The following DCDC2 variants were observed in gnomAD, a reference collection of about 807,000 sequenced individuals.
DCDC2 encodes the protein doublecortin domain-containing protein 2.
In DCDC2, 40 loss-of-function variants were observed where a neutral mutation model predicts 50.2. The observed-to-expected ratio is 0.80, with a 90% CI of 0.62 to 1.04. DCDC2 has a LOEUF of 1.04. Among genes scored for constraint, DCDC2 ranks in the 50% least tolerant of loss-of-function variants. The pLI, the probability that DCDC2 is intolerant of heterozygous loss-of-function variation, is 0.00. For synonymous variants in DCDC2, 234 were observed against 210.6 expected (o/e 1.11, Z -0.96); for missense variants, 570 against 581.9 (o/e 0.98, Z 0.21).
chr6:24,226,889 TA>T (rs1459427305), intron 7 of DCDC2, among the ~76,000 whole-genome samples: 3 of 152,202 alleles, frequency 2.0e-5, no homozygotes, highest in Non-Finnish European at 4.4e-5. Flanking sequence ...GAATTTGATT[TA>T]AAATCTCTTA....
At chr6:24,298,697 T>C (rs932733149) in intron 4 of DCDC2, among the ~76,000 whole-genome samples, 9 of 152,006 alleles carry the variant, frequency 5.9e-5, no homozygotes, top group African/African-American at 1.9e-4. Flanking sequence ...TAAATAAAAA[T>C]CCCAAAACAA....
chr6:24,261,225 T>C (rs1046694585), intron 7 of DCDC2, among the ~76,000 whole-genome samples: 1 of 147,280 alleles, frequency 6.8e-6, no homozygotes, highest in East Asian at 2.0e-4. Flanking sequence ...TTTTTGGTGT[T>C]CAACTACTCT....
chr6:24,291,780 C>T (rs1021252067), intron 4 of DCDC2, among the ~76,000 whole-genome samples: 3 of 152,112 alleles, frequency 2.0e-5, no homozygotes, highest in Admixed American at 6.5e-5. Context: ...CCACCGCGCC[C>T]GGCCTTGTTA....
intron 6 of DCDC2, among the ~76,000 whole-genome samples, chr6:24,285,047 CAT>C (rs376419902): frequency 4.0e-4 from 61 of 152,124 alleles, no homozygotes; most frequent in Middle Eastern, 3.4e-3. Flanking sequence ...CCCACACACA[CAT>C]ACATGCACAC....
At chr6:24,235,964 G>A (rs1762433230) in intron 7 of DCDC2, among the ~76,000 whole-genome samples, 1 of 152,006 alleles carries the variant, frequency 6.6e-6, no homozygotes, top group Admixed American at 6.6e-5. Flanking sequence ...TGACACAAAT[G>A]GAAAAACATT....
chr6:24,379,189 G>T, the DCDC2 span, among the ~76,000 whole-genome samples: 3 of 152,110 alleles, frequency 2.0e-5, no homozygotes, highest in South Asian at 4.1e-4. Context: ...AGCCAAAATA[G>T]AAATCTAATT....
At chr6:24,228,159 G>A (rs1762270200) in intron 7 of DCDC2, among the ~76,000 whole-genome samples, 1 of 152,202 alleles carries the variant, frequency 6.6e-6, no homozygotes, top group African/African-American at 2.4e-5. Flanking sequence ...AACAAAAAGA[G>A]TTTAGCTCTT....
At chr6:24,304,577 C>A (rs1258800951) in intron 2 of DCDC2, among the ~76,000 whole-genome samples, 1 of 152,154 alleles carries the variant, frequency 6.6e-6, no homozygotes, top group African/African-American at 2.4e-5. Flanking sequence ...AAAGAAGTGT[C>A]CTTCCCACTC....
At chr6:24,180,602 A>G (rs886329758) in intron 8 of DCDC2, among the ~76,000 whole-genome samples, 3 of 151,916 alleles carry the variant, frequency 2.0e-5, no homozygotes, top group Non-Finnish European at 4.4e-5. Context: ...GTTTTTTTTA[A>G]TGATAGGGTA....
At chr6:24,287,693 C>T (rs191810728) in intron 6 of DCDC2, among the ~76,000 whole-genome samples, 48 of 152,352 alleles carry the variant, frequency 3.2e-4, no homozygotes, top group Admixed American at 7.2e-4. Context: ...CCTCTCCCCT[C>T]ATCTACCTTT....
intron 2 of DCDC2, among the ~76,000 whole-genome samples, chr6:24,343,051 C>CTTT (rs11322032): frequency 4.8e-5 from 6 of 124,082 alleles, no homozygotes; most frequent in Admixed American, 8.1e-5. Flanking sequence ...GGTAAATATT[C>CTTT]TTTTTTTTTT....
At chr6:24,352,264 G>A (rs1561785073) in intron 2 of DCDC2, among the ~76,000 whole-genome samples, 1 of 152,178 alleles carries the variant, frequency 6.6e-6, no homozygotes, top group Non-Finnish European at 1.5e-5. Context: ...TATTGCGGAA[G>A]TCCAGGTTTC....
chr6:24,381,332 C>T, the DCDC2 span, among the ~76,000 whole-genome samples: 1 of 151,998 alleles, frequency 6.6e-6, no homozygotes, highest in Non-Finnish European at 1.5e-5. Context: ...ACCTTAGATC[C>T]CCAGAACTCA....
At chr6:24,205,949 C>T (rs559037572) in intron 7 of DCDC2, among the ~76,000 whole-genome samples, 2 of 152,220 alleles carry the variant, frequency 1.3e-5, no homozygotes, top group African/African-American at 4.8e-5. Flanking sequence ...CCAGGGATGG[C>T]GATTTTACCT....
intron 7 of DCDC2, among the ~76,000 whole-genome samples, chr6:24,255,523 A>T (rs956217648): frequency 2.0e-5 from 3 of 152,174 alleles, no homozygotes; most frequent in South Asian, 2.1e-4. Context: ...CACAGAATGG[A>T]AAAAGATATT....
intron 2 of DCDC2, among the ~76,000 whole-genome samples, chr6:24,331,844 A>G (rs892250362): frequency 6.6e-6 from 1 of 152,204 alleles, no homozygotes; most frequent in Non-Finnish European, 1.5e-5. Flanking sequence ...AAAAATTTCC[A>G]AAAGAAAGTG....
chr6:24,361,536 G>GT (rs1760666609), upstream of DCDC2, among the ~76,000 whole-genome samples: 3 of 152,306 alleles, frequency 2.0e-5, no homozygotes, highest in South Asian at 6.2e-4. Flanking sequence ...GAATGCACAG[G>GT]TTGAGGGATG....
At chr6:24,374,467 C>A in the DCDC2 span, among the ~76,000 whole-genome samples, 1 of 147,138 alleles carries the variant, frequency 6.8e-6, no homozygotes, top group African/African-American at 2.5e-5. Flanking sequence ...GTAATCCCAG[C>A]TACTTGGGAT....
At chr6:24,185,688 T>TACACACACACAC (rs35379687) in intron 8 of DCDC2, among the ~76,000 whole-genome samples, 28 of 144,426 alleles carry the variant, frequency 1.9e-4, no homozygotes, top group Admixed American at 5.6e-4. Context: ...TCCATACACA[T>TACACACACACAC]ACACACACAC....
Sources: gnomAD v4.1 joint callset for allele counts (sites outside exome capture counted in the v4.1 genomes callset) on GRCh38, gnomAD v4.1.1 for gene constraint, MANE v1.5 for transcripts, NCBI Gene and HGNC (gene_info 2026-07-23, HGNC 2026-07-21) for gene names.